GLIS3: variants seen among roughly 807,000 people sequenced by gnomAD.
The protein encoded by GLIS3 is GLIS family zinc finger 3, also known as zinc finger protein GLIS3.
GLIS3 carries 53 observed loss-of-function variants against 78.6 expected under a neutral mutation model. The observed-to-expected ratio is 0.67, with a 90% CI of 0.54 to 0.85. GLIS3 has a LOEUF of 0.85. Among genes scored for constraint, GLIS3 ranks in the 40% least tolerant of loss-of-function variants. The pLI, the probability that GLIS3 is intolerant of heterozygous loss-of-function variation, is 0.00. For synonymous variants in GLIS3, 684 were observed against 509.9 expected (o/e 1.34, Z -4.60); for missense variants, 1,703 against 1,231.1 (o/e 1.38, Z -5.74).
intron 9 of GLIS3, among the ~76,000 whole-genome samples, chr9:3,840,336 G>T (rs906922019): frequency 1.1e-4 from 16 of 151,976 alleles, no homozygotes; most frequent in African/African-American, 3.6e-4. Context: ...TTTTTGCCTT[G>T]GCTGCTTGTC....
chr9:4,302,617 A>G (rs7858144), upstream of GLIS3, among the ~76,000 whole-genome samples: 6,483 of 152,342 alleles, frequency 0.043, 423 homozygotes, highest in African/African-American at 0.14. Flanking sequence ...TCTCCTACTT[A>G]GAAGCAAAGA....
intron 2 of GLIS3, among the ~76,000 whole-genome samples, chr9:4,135,261 A>G (rs1833318534): frequency 6.6e-6 from 1 of 152,186 alleles, no homozygotes; most frequent in Non-Finnish European, 1.5e-5. Context: ...GTATGTGTCC[A>G]TGTGCTTTAA....
At chr9:4,412,826 T>C in the GLIS3 span, among the ~76,000 whole-genome samples, 1 of 152,108 alleles carries the variant, frequency 6.6e-6, no homozygotes, top group Non-Finnish European at 1.5e-5. Context: ...CATAAAAACT[T>C]ACCAAATGAA....
intron 2 of GLIS3, among the ~76,000 whole-genome samples, chr9:4,171,271 A>G (rs886091603): frequency 1.1e-4 from 17 of 152,236 alleles, no homozygotes; most frequent in Non-Finnish European, 5.9e-5. Flanking sequence ...ATTCACTAAC[A>G]GAGAATCTAG....
At chr9:3,930,508 A>C (rs1667471026) in intron 6 of GLIS3, among the ~76,000 whole-genome samples, 1 of 152,230 alleles carries the variant, frequency 6.6e-6, no homozygotes, top group African/African-American at 2.4e-5. Context: ...TCTTTCACAC[A>C]ATCAAAACTA....
the GLIS3 span, among the ~76,000 whole-genome samples, chr9:4,460,358 C>G: frequency 6.6e-6 from 1 of 152,148 alleles, no homozygotes. Context: ...TCAGATTGAA[C>G]AAGAAAATGT....
At chr9:4,321,472 C>CTAGAACTGGA (rs2130547426) in intron 2 of GLIS3, among the ~76,000 whole-genome samples, 1 of 115,340 alleles carries the variant, frequency 8.7e-6, no homozygotes, top group East Asian at 2.7e-4. Flanking sequence ...AATCAGGTGC[C>CTAGAACTGGA]TAGAACTGGA....
chr9:4,449,942 C>A, the GLIS3 span, among the ~76,000 whole-genome samples: 2 of 152,158 alleles, frequency 1.3e-5, no homozygotes, highest in African/African-American at 2.4e-5. Context: ...CTCTTCTCCT[C>A]CAAAGGATCA....
intron 2 of GLIS3, among the ~76,000 whole-genome samples, chr9:4,328,974 A>C (rs1817643330): frequency 6.6e-6 from 1 of 152,206 alleles, no homozygotes; most frequent in African/African-American, 2.4e-5. Context: ...ACAGCTCTTG[A>C]GGTGAGTGTA....
intron 4 of GLIS3, among the ~76,000 whole-genome samples, chr9:3,971,683 C>G (rs767295527): frequency 2.6e-5 from 4 of 152,182 alleles, no homozygotes; most frequent in Non-Finnish European, 5.9e-5. Flanking sequence ...GATTGGCACA[C>G]CGTAACTGCT....
intron 2 of GLIS3, among the ~76,000 whole-genome samples, chr9:4,133,757 T>G (rs1197900634): frequency 6.6e-6 from 1 of 151,996 alleles, no homozygotes; most frequent in Non-Finnish European, 1.5e-5. Flanking sequence ...TTTCTGATAT[T>G]GTTTCTAGCA....
the GLIS3 span, among the ~76,000 whole-genome samples, chr9:4,447,993 C>T: frequency 0.18 from 28,108 of 152,052 alleles, 2,953 homozygotes; most frequent in Middle Eastern, 0.29. Flanking sequence ...TTTAAGCAGT[C>T]CTCCCAAGTC....
chr9:4,004,053 G>A (rs1821340731), intron 4 of GLIS3, among the ~76,000 whole-genome samples: 1 of 152,180 alleles, frequency 6.6e-6, no homozygotes, highest in Non-Finnish European at 1.5e-5. Flanking sequence ...CAGGTAAAGT[G>A]TTAGAAACTG....
At chr9:4,027,658 T>C (rs764958480) in intron 4 of GLIS3, among the ~76,000 whole-genome samples, 30 of 152,180 alleles carry the variant, frequency 2.0e-4, no homozygotes, top group Non-Finnish European at 3.7e-4. Context: ...TTGTTCTCTG[T>C]TCCTAAACAG....
At chr9:4,239,850 G>T (rs906535384) in intron 2 of GLIS3, among the ~76,000 whole-genome samples, 2 of 152,184 alleles carry the variant, frequency 1.3e-5, no homozygotes, top group African/African-American at 4.8e-5. Flanking sequence ...TTAGATTTCA[G>T]GAGTGTTTGC....
intron 4 of GLIS3, among the ~76,000 whole-genome samples, chr9:3,999,335 C>T (rs889145196): frequency 1.3e-5 from 2 of 152,160 alleles, no homozygotes; most frequent in African/African-American, 4.8e-5. Flanking sequence ...GATTTGCATG[C>T]AATTTCCCTC....
At chr9:4,185,543 G>C (rs999267845) in intron 2 of GLIS3, among the ~76,000 whole-genome samples, 4 of 152,142 alleles carry the variant, frequency 2.6e-5, no homozygotes, top group African/African-American at 4.8e-5. Flanking sequence ...GTGCCTTAAA[G>C]TTGATGGTTT....
intron 4 of GLIS3, among the ~76,000 whole-genome samples, chr9:4,068,406 A>G (rs1827286442): frequency 1.3e-5 from 2 of 152,184 alleles, no homozygotes; most frequent in African/African-American, 4.8e-5. Flanking sequence ...TGAATGAAAA[A>G]ACAAGATTTA....
chr9:4,373,889 A>G, the GLIS3 span, among the ~76,000 whole-genome samples: 2 of 152,084 alleles, frequency 1.3e-5, no homozygotes, highest in Non-Finnish European at 2.9e-5. Flanking sequence ...GCTGGTCTCA[A>G]ATTCCTGACC....
Sources: gnomAD v4.1 joint callset for allele counts (sites outside exome capture counted in the v4.1 genomes callset) on GRCh38, gnomAD v4.1.1 for gene constraint, MANE v1.5 for transcripts, NCBI Gene and HGNC (gene_info 2026-07-23, HGNC 2026-07-21) for gene names.